The following GINS1 variants were observed in gnomAD, a reference collection of about 807,000 sequenced individuals.
GINS1 encodes the protein GINS complex subunit 1.
A neutral mutation model predicts 34.9 loss-of-function variants in GINS1; 26 were observed. The ratio of observed to expected loss-of-function variants is 0.74; its 90% confidence interval spans 0.55 to 1.03. The LOEUF (loss-of-function observed/expected upper bound fraction) is 1.03. GINS1 is among the 50% of genes least tolerant of loss of function. The pLI, the probability that GINS1 is intolerant of heterozygous loss-of-function variation, is 0.00. For synonymous variants in GINS1, 97 were observed against 84.4 expected (o/e 1.15, Z -0.82); for missense variants, 235 against 237.9 (o/e 0.99, Z 0.08).
chr20:25,422,906 A>C (rs1204567259), intron 4 of GINS1, among the ~76,000 whole-genome samples: 1 of 151,026 alleles, frequency 6.6e-6, no homozygotes, highest in Non-Finnish European at 1.5e-5. Context: ...CCTCCCAGCT[A>C]TCTGGGATTA....
In GINS1 at chr20:25,441,719, C is replaced by G. The variant is rs2090482907; in HGVS notation, c.465C>G (p.Asp155Glu). ...TCTTTCAGGTCCGGTGTCTAAAAGACTATGGAGAATTTGAAGTTGATGATG... is the reference window on the plus strand; with the variant it reads ...TCTTTCAGGTCCGGTGTCTAAAAGAGTATGGAGAATTTGAAGTTGATGATG... ...SLYIEVRCLK[D>E]YGEFEVDDGT... Residue 155 changes from aspartate to glutamate, a missense_variant, in exon 6 of 7, where the codon GAC becomes GAG. By Grantham distance (45) the Asp-to-Glu change is conservative. Coordinates refer to ENST00000262460, the MANE Select transcript of GINS1 (RefSeq NM_021067.5). 2 of 1,561,902 alleles carry G rather than the reference C, an allele frequency of 1.3e-6. No individual in the cohort carries two copies. Among genetic ancestry groups the G allele is most frequent in the East Asian group, 4.5e-5 (2 of 44,458 alleles).
intron 1 of GINS1, among the ~76,000 whole-genome samples, chr20:25,411,859 C>T (rs2090287306): frequency 2.6e-5 from 4 of 151,770 alleles, no homozygotes; most frequent in Admixed American, 2.6e-4. Context: ...AGAATCATTG[C>T]TTGGACCCGG....
chr20:25,409,117 G>A, intron 1 of GINS1: 1 of 755,864 alleles, frequency 1.3e-6, no homozygotes, highest in Non-Finnish European at 1.6e-6. Context: ...ACAAAGTCAC[G>A]TGGTCACACT....
intron 4 of GINS1, chr20:25,420,909 C>G: frequency 1.0e-6 from 1 of 980,508 alleles, no homozygotes. Context: ...CTGTAGTAGA[C>G]CACAGACATC....
intron 5 of GINS1, among the ~76,000 whole-genome samples, chr20:25,428,626 G>A (rs1345013080): frequency 6.6e-6 from 1 of 150,892 alleles, no homozygotes; most frequent in Admixed American, 6.6e-5. Context: ...GGATGGTCTG[G>A]ATCTCCTAAC....
Position 25,407,707 on chromosome 20 carries a change from G to C in GINS1, c.-114G>C, listed in dbSNP as rs1012787567. On this transcript the variant is annotated 5_prime_UTR_variant, in exon 1 of 7. Coordinates refer to ENST00000262460, the MANE Select transcript of GINS1 (RefSeq NM_021067.5). ...CAAAGCGCGGAGCGGAGGCCGAGGCGAGAGCCTGGCGCTGTAGGACTAGAA... is the reference window on the plus strand; with the variant it reads ...CAAAGCGCGGAGCGGAGGCCGAGGCCAGAGCCTGGCGCTGTAGGACTAGAA... 8.5e-6 allele frequency: 7 copies of C among 827,670 alleles called. No homozygotes were observed. The highest frequency in any genetic ancestry group is 2.3e-5 in the Admixed American group (1 of 44,418). The allele number at this position is 827,670 out of a possible 1,614,324, so 51.3% of individuals were successfully genotyped here.
chr20:25,445,311 AG>A (rs2090505155), intron 6 of GINS1, among the ~76,000 whole-genome samples: 1 of 150,962 alleles, frequency 6.6e-6, no homozygotes, highest in Non-Finnish European at 1.5e-5. Context: ...CCTCCTGTGT[AG>A]CTGGGATTAC....
At chr20:25,425,574 G>A (rs2090386212) in intron 5 of GINS1, among the ~76,000 whole-genome samples, 2 of 151,888 alleles carry the variant, frequency 1.3e-5, no homozygotes, top group Admixed American at 6.6e-5. Flanking sequence ...CTAAAACAAA[G>A]TTAAATCAAA....
At chr20:25,416,352 T>C (rs544174860) in intron 2 of GINS1, among the ~76,000 whole-genome samples, 1 of 152,228 alleles carries the variant, frequency 6.6e-6, no homozygotes, top group East Asian at 1.9e-4. Flanking sequence ...CAGACTTTCA[T>C]AGGGTGGCAG....
chr20:25,425,070 G>C, intron 4 of GINS1, 141 bp from the exon 5 acceptor site: 1 of 534,182 alleles, frequency 1.9e-6, no homozygotes, highest in Non-Finnish European at 3.4e-6. Context: ...TATCATAGGA[G>C]GCAATTAATA....
At chr20:25,414,126 G>A (rs140172630) in intron 2 of GINS1, among the ~76,000 whole-genome samples, 1,849 of 140,840 alleles carry the variant, frequency 0.013, 41 homozygotes, top group African/African-American at 0.045. Context: ...GGAGGTGGAG[G>A]TTGCAGTGAG....
chr20:25,409,499 T>TG (rs2090269835), intron 1 of GINS1, among the ~76,000 whole-genome samples: 1 of 152,082 alleles, frequency 6.6e-6, no homozygotes, highest in Admixed American at 6.5e-5. Context: ...AGGGAGGAAT[T>TG]GGGATCTTGG....
At chr20:25,434,033 T>A (rs1433330087) in intron 5 of GINS1, among the ~76,000 whole-genome samples, 1 of 151,836 alleles carries the variant, frequency 6.6e-6, no homozygotes, top group African/African-American at 2.4e-5. Flanking sequence ...CCTGTAATCC[T>A]AGCACTTTGG....
rs764237020 is a variant in GINS1, at chr20:25,445,943, A to G, written c.543A>G (p.Lys181=). Residue 181 remains lysine (K), a synonymous_variant, in exon 7 of 7, where the codon AAA becomes AAG. Transcript: ENST00000262460. ...CTCAGCACTTTTTACCTCGATGGAA[A>G]TGTGAGCAGCTGATCAGACAAGGAG... is the stretch of plus-strand genomic sequence containing the variant. ...KNSQHFLPRW[K]CEQLIRQGVL... The G allele has an allele frequency of 3.1e-6, 5 of 1,610,360 alleles. No homozygotes were observed. In the Admixed American group the frequency reaches 5.0e-5, roughly 16 times the overall value.
chr20:25,434,935 A>G (rs1404642150), intron 5 of GINS1, among the ~76,000 whole-genome samples: 3 of 152,230 alleles, frequency 2.0e-5, no homozygotes, highest in African/African-American at 4.8e-5. Context: ...CCTTCCATCA[A>G]GTCATTTTAT....
chr20:25,428,396 T>C (rs1312773470), intron 5 of GINS1, among the ~76,000 whole-genome samples: 1 of 131,162 alleles, frequency 7.6e-6, no homozygotes, highest in East Asian at 2.0e-4. Flanking sequence ...AAGCATAATT[T>C]CTTTTTTTTT....
chr20:25,413,960 G>T, intron 2 of GINS1, 106 bp downstream of exon 2: 1 of 680,636 alleles, frequency 1.5e-6, no homozygotes, highest in Non-Finnish European at 2.7e-6. Flanking sequence ...GGGAGGCTGA[G>T]GCGGGCGGAT....
At chr20:25,413,186 G>T (rs1459392002) in intron 1 of GINS1, among the ~76,000 whole-genome samples, 1 of 152,104 alleles carries the variant, frequency 6.6e-6, no homozygotes, top group South Asian at 2.1e-4. Flanking sequence ...TGAATAGCTG[G>T]GATTACAGCC....
In GINS1 at chr20:25,410,061, G is replaced by T. The variant is rs1052925031; in HGVS notation, c.75+2166G>T. On this transcript the variant is annotated intron_variant, in intron 1 of 6. Transcript: ENST00000262460. ...CTGGTCTTAGAAGTTGTAGAATCAG[G>T]CCAGGAGTGGTGGCTCACGCCTGTA... Among the ~76,000 whole-genome samples the T allele has an allele frequency of 2.0e-5, 3 of 152,288 alleles. No individual in the cohort carries two copies. In the South Asian group the frequency reaches 6.2e-4, roughly 32 times the overall value.
Sources: gnomAD v4.1 joint callset for allele counts (sites outside exome capture counted in the v4.1 genomes callset) on GRCh38, gnomAD v4.1.1 for gene constraint, MANE v1.5 for transcripts, NCBI Gene and HGNC (gene_info 2026-07-23, HGNC 2026-07-21) for gene names.